EDIL3: variants seen among roughly 807,000 people sequenced by gnomAD.
EDIL3 encodes EGF-like repeat and discoidin I-like domain-containing protein 3.
Under a neutral mutation model 67.4 loss-of-function variants are expected in EDIL3, and 37 were observed. The ratio of observed to expected loss-of-function variants is 0.55; its 90% CI spans 0.42 to 0.72. The LOEUF (loss-of-function observed/expected upper bound fraction) is 0.72. Among genes scored for constraint, EDIL3 ranks in the 30% least tolerant of loss-of-function variants. EDIL3 has a pLI of 0.00. For synonymous variants in EDIL3, 195 were observed against 196.3 expected (o/e 0.99, Z 0.05); for missense variants, 527 against 586.3 (o/e 0.90, Z 1.04).
chr5:84,147,691 G>A (rs1748313026), intron 4 of EDIL3, among the ~76,000 whole-genome samples: 1 of 151,000 alleles, frequency 6.6e-6, no homozygotes, highest in African/African-American at 2.4e-5. Context: ...AGTTCACCAA[G>A]TTCAATTACA....
chr5:84,289,322 A>G (rs1472729390), intron 1 of EDIL3, among the ~76,000 whole-genome samples: 1 of 152,204 alleles, frequency 6.6e-6, no homozygotes, highest in African/African-American at 2.4e-5. Context: ...TAAATTAGCA[A>G]AACAGCTTAA....
intron 6 of EDIL3, among the ~76,000 whole-genome samples, chr5:84,101,665 G>C (rs67400819): frequency 0.066 from 10,032 of 152,034 alleles, 445 homozygotes; most frequent in Middle Eastern, 0.13. Flanking sequence ...CTCTGAAATT[G>C]AATCAGTAAT....
intron 1 of EDIL3, among the ~76,000 whole-genome samples, chr5:84,354,074 A>G (rs1747421560): frequency 6.6e-6 from 1 of 152,230 alleles, no homozygotes; most frequent in Non-Finnish European, 1.5e-5. Flanking sequence ...AGAATCTTGT[A>G]GATAAATCAC....
At chr5:84,034,429 T>C (rs1238953458) in intron 9 of EDIL3, among the ~76,000 whole-genome samples, 1 of 152,178 alleles carries the variant, frequency 6.6e-6, no homozygotes, top group Non-Finnish European at 1.5e-5. Flanking sequence ...TCTAGAATAA[T>C]GGAAACTTTA....
chr5:84,195,314 GTTA>G (rs1743683689), intron 3 of EDIL3, among the ~76,000 whole-genome samples: 1 of 152,030 alleles, frequency 6.6e-6, no homozygotes, highest in Non-Finnish European at 1.5e-5. Flanking sequence ...TATTAGAGAA[GTTA>G]TTATGCTACT....
chr5:84,366,638 G>C (rs1053676009), intron 1 of EDIL3, among the ~76,000 whole-genome samples: 1 of 152,020 alleles, frequency 6.6e-6, no homozygotes, highest in Non-Finnish European at 1.5e-5. Flanking sequence ...CTGTTCTATT[G>C]TATCAGAAAT....
intron 6 of EDIL3, among the ~76,000 whole-genome samples, chr5:84,069,857 C>T (rs1294804005): frequency 1.3e-5 from 2 of 152,060 alleles, no homozygotes; most frequent in Admixed American, 6.5e-5. Context: ...TGTAAAAGCC[C>T]CCAGACCCTA....
intron 9 of EDIL3, among the ~76,000 whole-genome samples, chr5:83,994,098 A>G (rs1469679699): frequency 3.9e-5 from 6 of 152,070 alleles, no homozygotes; most frequent in Non-Finnish European, 1.5e-5. Flanking sequence ...AAACCTTGCA[A>G]TTGTTTATAT....
chr5:83,971,596 A>T (rs1208818437), intron 9 of EDIL3, among the ~76,000 whole-genome samples: 5 of 151,158 alleles, frequency 3.3e-5, no homozygotes, highest in East Asian at 1.9e-4. Context: ...CCCACTTAAA[A>T]TTTTTTTTTC....
Position 84,145,706 on chromosome 5 carries a change from T to C in EDIL3, c.356-8352A>G, listed in dbSNP as rs184948234. On this transcript the variant is annotated intron_variant, in intron 4 of 10. Transcript: ENST00000296591. ...TACTTAGCTTGGTTCGAAATGTATA[T>C]AGACTTCCTAATATTTACGGTTGCT... 7.9e-5 allele frequency among the ~76,000 whole-genome samples: 12 copies of C among 152,240 alleles called. No homozygotes were observed. In the East Asian group the frequency reaches 1.5e-3, roughly 20 times the overall value.
chr5:84,264,820 C>G (rs543095006), intron 1 of EDIL3, among the ~76,000 whole-genome samples: 1 of 152,284 alleles, frequency 6.6e-6, no homozygotes, highest in South Asian at 2.1e-4. Context: ...GTCAAGAACA[C>G]AAACTCATAC....
intron 9 of EDIL3, among the ~76,000 whole-genome samples, chr5:83,989,693 T>C (rs1580267690): frequency 6.6e-6 from 1 of 152,224 alleles, no homozygotes; most frequent in Non-Finnish European, 1.5e-5. Context: ...ACTTGCCTGG[T>C]ATTCTCGTAC....
intron 4 of EDIL3, among the ~76,000 whole-genome samples, chr5:84,168,842 G>T (rs1748759745): frequency 6.6e-6 from 1 of 152,062 alleles, no homozygotes; most frequent in Admixed American, 6.6e-5. Flanking sequence ...ATAGAAATTA[G>T]TTCATTTACT....
chr5:84,363,976 CT>C (rs763855912), intron 1 of EDIL3, among the ~76,000 whole-genome samples: 2 of 152,076 alleles, frequency 1.3e-5, no homozygotes, highest in Non-Finnish European at 2.9e-5. Flanking sequence ...TCTTAGTGTG[CT>C]TGTGTTCATT....
At chr5:84,082,874 A>T (rs570413407) in intron 6 of EDIL3, among the ~76,000 whole-genome samples, 1 of 152,318 alleles carries the variant, frequency 6.6e-6, no homozygotes, top group South Asian at 2.1e-4. Context: ...TAACCAGATT[A>T]TTGAATATTA....
intron 1 of EDIL3, among the ~76,000 whole-genome samples, chr5:84,307,053 G>C (rs1404182890): frequency 6.6e-6 from 1 of 152,138 alleles, no homozygotes; most frequent in Non-Finnish European, 1.5e-5. Context: ...AGACAGAAAA[G>C]ACATAAATGA....
At chr5:84,378,583 G>C (rs965211276) in intron 1 of EDIL3, among the ~76,000 whole-genome samples, 4 of 152,146 alleles carry the variant, frequency 2.6e-5, no homozygotes, top group African/African-American at 9.7e-5. Flanking sequence ...AGAGAAATAA[G>C]CTTTTCTATG....
rs533756025 is a variant in EDIL3 at position 84,137,184 on chromosome 5, T to TATAC, written c.469+56_469+57insGTAT. 6,735 of 901,180 alleles carry TATAC rather than the reference T, an allele frequency of 7.5e-3. 91 individuals are homozygous for TATAC. Among genetic ancestry groups the TATAC allele is most frequent in the African/African-American group, 0.061 (3,516 of 57,812 alleles). 55.8% of individuals were successfully genotyped at this position (901,180 alleles called of 1,614,324 possible). A position where few individuals can be genotyped will look rare whatever the true frequency, so the allele number is the denominator to read the frequency against. On this transcript the variant is annotated intron_variant, in intron 5 of 10. Coordinates refer to ENST00000296591, the MANE Select transcript of EDIL3 (RefSeq NM_005711.5). ...ATACATATATGTGTGTGTGTATACA[T>TATAC]ACACACACACACACACACACACACA... is the stretch of plus-strand genomic sequence containing the variant.
chr5:84,263,527 G>C (rs925812899), intron 1 of EDIL3, among the ~76,000 whole-genome samples: 2 of 152,062 alleles, frequency 1.3e-5, no homozygotes, highest in Non-Finnish European at 1.5e-5. Context: ...TAAGAAAATC[G>C]CACGGGGCAG....
Sources: gnomAD v4.1 joint callset for allele counts (sites outside exome capture counted in the v4.1 genomes callset) on GRCh38, gnomAD v4.1.1 for gene constraint, MANE v1.5 for transcripts, NCBI Gene and HGNC (gene_info 2026-07-23, HGNC 2026-07-21) for gene names.